COA1: variants seen among roughly 807,000 people sequenced by gnomAD.
COA1 encodes cytochrome c oxidase assembly factor 1 homolog.
COA1 carries 13 observed loss-of-function variants against 16.0 expected under a neutral mutation model. That is an observed-to-expected ratio of 0.81 (90% CI 0.53 to 1.29). The LOEUF (loss-of-function observed/expected upper bound fraction) is 1.29. Ranked by LOEUF, COA1 falls within the 50% of genes most tolerant of loss-of-function variation. The pLI is 0.00. For missense variants in COA1, 179 were observed against 177.0 expected, an observed-to-expected ratio of 1.01 and a Z score of -0.06; for synonymous variants, 65 against 65.7, an observed-to-expected ratio of 0.99 and a Z score of 0.05.
At chr7:43,702,749 C>T (rs1227086439) in intron 1 of COA1, among the ~76,000 whole-genome samples, 1 of 152,088 alleles carries the variant, frequency 6.6e-6, no homozygotes, top group Non-Finnish European at 1.5e-5. Flanking sequence ...TGGATTTTCT[C>T]TTTATCAAAC....
At chr7:43,627,602 A>C (rs2084703117) in intron 6 of COA1, among the ~76,000 whole-genome samples, 1 of 152,272 alleles carries the variant, frequency 6.6e-6, no homozygotes, top group Non-Finnish European at 1.5e-5. Flanking sequence ...ACTGATAAAA[A>C]TGAAAAATAG....
intron 6 of COA1, chr7:43,619,623 ATC>A (rs2083671842): frequency 6.2e-7 from 1 of 1,613,842 alleles, no homozygotes; most frequent in Admixed American, 1.7e-5. Context: ...TGACAAGTGA[ATC>A]TCCATTGGGT....
At chr7:43,716,221 GA>G (rs2095391330) in intron 1 of COA1, among the ~76,000 whole-genome samples, 1 of 152,140 alleles carries the variant, frequency 6.6e-6, no homozygotes, top group African/African-American at 2.4e-5. Flanking sequence ...GCAGAGGTTG[GA>G]ACAGTTTGGA....
At chr7:43,679,231 TGCTCCA>T (rs2093659580) in intron 1 of COA1, among the ~76,000 whole-genome samples, 1 of 137,198 alleles carries the variant, frequency 7.3e-6, no homozygotes, top group East Asian at 2.1e-4. Flanking sequence ...CGCAGCACTG[TGCTCCA>T]GCCTGGGCAA....
Position 43,718,520 on chromosome 7 carries a change from T to G in COA1, c.-39+10909A>C, listed in dbSNP as rs1044421528. On this transcript the variant is annotated intron_variant, in intron 1 of 5. Coordinates refer to ENST00000223336, the MANE Select transcript of COA1 (RefSeq NM_018224.4). ...AGTAACTTTCCTCAGGGTTTGGGAT[T>G]TAAAATAACATACAAATTTCCTGAG... is the stretch of plus-strand genomic sequence containing the variant. 3.9e-5 allele frequency among the ~76,000 whole-genome samples: 6 copies of G among 152,330 alleles called. No individual in the cohort carries two copies. In the East Asian group the frequency reaches 1.2e-3, roughly 29 times the overall value.
At chr7:43,688,692 C>T (rs1398560006) in intron 1 of COA1, among the ~76,000 whole-genome samples, 1 of 152,180 alleles carries the variant, frequency 6.6e-6, no homozygotes, top group East Asian at 1.9e-4. Flanking sequence ...ACGTCAGGGG[C>T]TCTTTCCATC....
chr7:43,685,922 C>A (rs2094000434), intron 1 of COA1, among the ~76,000 whole-genome samples: 1 of 152,154 alleles, frequency 6.6e-6, no homozygotes, highest in Non-Finnish European at 1.5e-5. Context: ...AATAATAAAT[C>A]ACTATCTTTA....
chr7:43,713,751 G>A (rs1227512621), intron 1 of COA1, among the ~76,000 whole-genome samples: 1 of 152,008 alleles, frequency 6.6e-6, no homozygotes. Flanking sequence ...AAGACTGGGG[G>A]TCTAGAGCTA....
At chr7:43,616,504 T>C (rs2083358568) in intron 6 of COA1, among the ~76,000 whole-genome samples, 1 of 152,204 alleles carries the variant, frequency 6.6e-6, no homozygotes, top group Non-Finnish European at 1.5e-5. Flanking sequence ...CTGTAGATTC[T>C]TCCCGTTCTC....
intron 6 of COA1, chr7:43,622,406 T>G (rs1246575548): frequency 6.6e-6 from 1 of 152,214 alleles, no homozygotes; most frequent in Non-Finnish European, 1.5e-5. Context: ...ACCTTGAGTA[T>G]TTCGTTTTTT....
intron 1 of COA1, among the ~76,000 whole-genome samples, chr7:43,697,004 G>C (rs528541708): frequency 7.7e-4 from 117 of 151,946 alleles, no homozygotes; most frequent in Non-Finnish European, 1.2e-3. Flanking sequence ...CACGCCTGTA[G>C]TCCCAGCTAC....
intron 1 of COA1, among the ~76,000 whole-genome samples, chr7:43,708,953 T>C (rs937696700): frequency 7.2e-5 from 11 of 152,148 alleles, no homozygotes; most frequent in African/African-American, 2.4e-4. Context: ...GGTTAATGCT[T>C]TTTTGTGTCC....
At chr7:43,648,962 CAG>C (rs1411190462) in intron 1 of COA1, 1 of 243,710 alleles carries the variant, frequency 4.1e-6, no homozygotes, top group Admixed American at 5.1e-5. Context: ...AGCACAAACA[CAG>C]GGCCAATCAA....
chr7:43,706,979 T>C (rs995990415), intron 1 of COA1, among the ~76,000 whole-genome samples: 2 of 152,180 alleles, frequency 1.3e-5, no homozygotes, highest in Non-Finnish European at 2.9e-5. Flanking sequence ...AAGACCAGCC[T>C]GGCCAACATG....
intron 1 of COA1, among the ~76,000 whole-genome samples, chr7:43,728,285 T>C (rs1380047403): frequency 1.3e-5 from 2 of 152,236 alleles, no homozygotes; most frequent in East Asian, 1.9e-4. Context: ...AATGGTGAAC[T>C]CTACGGTAGG....
intron 1 of COA1, among the ~76,000 whole-genome samples, chr7:43,668,544 A>C (rs989036807): frequency 1.3e-5 from 2 of 152,224 alleles, no homozygotes; most frequent in Non-Finnish European, 2.9e-5. Flanking sequence ...CTTATCATAC[A>C]TTTGTCATTA....
chr7:43,639,540 G>C lies in COA1; in HGVS notation c.*42C>G, dbSNP rs1394587261. On this transcript the variant is annotated 3_prime_UTR_variant, in exon 6 of 6. Coordinates refer to ENST00000223336, the MANE Select transcript of COA1 (RefSeq NM_018224.4). ...CCAGTGGCCATATGGTAGAGATGAGGGAAGGATGGACTAGAAGCAAGCTGG... is the reference window on the plus strand; with the variant it reads ...CCAGTGGCCATATGGTAGAGATGAGCGAAGGATGGACTAGAAGCAAGCTGG... The C allele has an allele frequency of 1.3e-6, 2 of 1,520,756 alleles. 1 individual carries two copies. Among genetic ancestry groups the C allele is most frequent in the South Asian group, 2.2e-5 (2 of 89,090 alleles). 94.2% of individuals were successfully genotyped at this position (1,520,756 alleles called of 1,614,324 possible). A position where few individuals can be genotyped will look rare whatever the true frequency, so the allele number is the denominator to read the frequency against.
intron 1 of COA1, among the ~76,000 whole-genome samples, chr7:43,660,579 C>A (rs1301786134): frequency 2.0e-5 from 3 of 152,156 alleles, no homozygotes; most frequent in Non-Finnish European, 4.4e-5. Context: ...TTGTGAGAGC[C>A]ACTCCTTTAA....
intron 6 of COA1, chr7:43,619,756 G>A (rs748661413): frequency 1.5e-5 from 24 of 1,607,878 alleles, no homozygotes; most frequent in Non-Finnish European, 1.5e-5. Context: ...TTGTTCTGGG[G>A]TCAGGCATCA....
Sources: allele counts gnomAD v4.1 joint callset (sites outside exome capture counted in the v4.1 genomes callset), GRCh38; gene constraint gnomAD v4.1.1; transcripts MANE v1.5; gene names NCBI Gene and HGNC (gene_info 2026-07-23, HGNC 2026-07-21).